Variants in TAFA5 observed in about 807,000 individuals in gnomAD.
TAFA5 encodes TAFA chemokine like family member 5.
TAFA5 carries 6 observed loss-of-function variants against 15.3 expected under a neutral mutation model. The observed-to-expected ratio is 0.39, with a 90% CI of 0.21 to 0.77. The LOEUF (loss-of-function observed/expected upper bound fraction) is 0.77, where lower values mean the gene tolerates loss of function less well. TAFA5 is among the 30% of genes least tolerant of loss of function. TAFA5 has a pLI of 0.41. For synonymous variants in TAFA5, 103 were observed against 80.7 expected (o/e 1.28, Z -1.48); for missense variants, 161 against 193.1 (o/e 0.83, Z 0.98).
At chr22:48,723,613 C>A (rs1929633552) in intron 3 of TAFA5, among the ~76,000 whole-genome samples, 1 of 152,210 alleles carries the variant, frequency 6.6e-6, no homozygotes, top group Non-Finnish European at 1.5e-5. Flanking sequence ...CAGATCCCAC[C>A]ATCCTCCCCC....
chr22:48,502,284 C>T (rs1168111188), intron 1 of TAFA5, among the ~76,000 whole-genome samples: 1 of 152,124 alleles, frequency 6.6e-6, no homozygotes, highest in Admixed American at 6.5e-5. Context: ...TGGGATTGGA[C>T]TGGGAGAGAA....
chr22:48,644,072 T>G (rs1926778860), intron 1 of TAFA5, among the ~76,000 whole-genome samples: 1 of 152,236 alleles, frequency 6.6e-6, no homozygotes, highest in African/African-American at 2.4e-5. Flanking sequence ...AAGCAGCACC[T>G]CATCCTCCCG....
intron 1 of TAFA5, among the ~76,000 whole-genome samples, chr22:48,501,379 G>A (rs1392652222): frequency 6.6e-6 from 1 of 152,226 alleles, no homozygotes; most frequent in African/African-American, 2.4e-5. Flanking sequence ...TCCCGCCCTC[G>A]CGTCTGGGCG....
intron 2 of TAFA5, among the ~76,000 whole-genome samples, chr22:48,700,917 C>T (rs1233042559): frequency 1.3e-5 from 2 of 152,204 alleles, no homozygotes; most frequent in Non-Finnish European, 1.5e-5. Flanking sequence ...CAGCTCCTCC[C>T]ATGCCATCTG....
chr22:48,517,880 G>GC (rs1370554310), intron 1 of TAFA5, among the ~76,000 whole-genome samples: 1 of 152,246 alleles, frequency 6.6e-6, no homozygotes, highest in African/African-American at 2.4e-5. Flanking sequence ...TTCTGGCAAA[G>GC]CCCCCTCTGT....
intron 1 of TAFA5, among the ~76,000 whole-genome samples, chr22:48,583,502 A>C (rs995519778): frequency 2.1e-5 from 3 of 143,830 alleles, no homozygotes; most frequent in Non-Finnish European, 3.1e-5. Flanking sequence ...CACACCACAC[A>C]GTGCAACCAA....
At chr22:48,628,965 G>A (rs1259755752) in intron 1 of TAFA5, among the ~76,000 whole-genome samples, 3 of 152,156 alleles carry the variant, frequency 2.0e-5, no homozygotes, top group East Asian at 1.9e-4. Flanking sequence ...GCCGGGCGCC[G>A]TTTCCCTTAG....
chr22:48,611,796 G>T (rs1023194795), intron 1 of TAFA5, among the ~76,000 whole-genome samples: 4 of 152,062 alleles, frequency 2.6e-5, no homozygotes, highest in African/African-American at 9.7e-5. Context: ...CCCTTCCCTG[G>T]GCAGAAGCTG....
intron 1 of TAFA5, among the ~76,000 whole-genome samples, chr22:48,606,100 G>A (rs28678464): frequency 0.17 from 25,225 of 152,164 alleles, 2,317 homozygotes; most frequent in East Asian, 0.3. Context: ...CGTGACTGCT[G>A]GTGCACCTGC....
chr22:48,657,272 T>C (rs1927283915), intron 2 of TAFA5, among the ~76,000 whole-genome samples: 1 of 152,200 alleles, frequency 6.6e-6, no homozygotes, highest in Non-Finnish European at 1.5e-5. Context: ...ATACAGTAGA[T>C]AGTTTAGATG....
chr22:48,691,681 C>T (rs1928546172), intron 2 of TAFA5, among the ~76,000 whole-genome samples: 1 of 152,264 alleles, frequency 6.6e-6, no homozygotes. Flanking sequence ...CTTTTCCCCA[C>T]CTGTGGACCC....
intron 2 of TAFA5, among the ~76,000 whole-genome samples, chr22:48,706,831 G>T (rs746026951): frequency 2.0e-5 from 3 of 152,220 alleles, no homozygotes; most frequent in African/African-American, 7.2e-5. Context: ...CGCAGCGAAG[G>T]TTATGTTAAT....
chr22:48,539,676 T>G (rs1465353670), intron 1 of TAFA5, among the ~76,000 whole-genome samples: 1 of 152,150 alleles, frequency 6.6e-6, no homozygotes, highest in Non-Finnish European at 1.5e-5. Flanking sequence ...ACAGAGCCTA[T>G]GAGCAAATGA....
At chr22:48,684,439 C>G (rs530875034) in intron 2 of TAFA5, among the ~76,000 whole-genome samples, 3 of 152,222 alleles carry the variant, frequency 2.0e-5, no homozygotes, top group East Asian at 3.9e-4. Context: ...ATAAAGCCTC[C>G]ACATCTCATG....
At chr22:48,625,346 G>A (rs377323309) in intron 1 of TAFA5, among the ~76,000 whole-genome samples, 1 of 152,148 alleles carries the variant, frequency 6.6e-6, no homozygotes, top group South Asian at 2.1e-4. Flanking sequence ...CTCCAACTCT[G>A]ATCACCACCC....
At chr22:48,688,740 C>T (rs547656645) in intron 2 of TAFA5, among the ~76,000 whole-genome samples, 1 of 152,316 alleles carries the variant, frequency 6.6e-6, no homozygotes, top group South Asian at 2.1e-4. Flanking sequence ...CCTATAATCT[C>T]AGCACTTTGG....
At chr22:48,583,243 CACACACACCACACACTAT>C (rs1569034744) in intron 1 of TAFA5, among the ~76,000 whole-genome samples, 2 of 139,600 alleles carry the variant, frequency 1.4e-5, no homozygotes, top group Non-Finnish European at 3.1e-5. Context: ...CCACACACCG[CACACACACCACACACTAT>C]ACACACACCA....
intron 3 of TAFA5, among the ~76,000 whole-genome samples, chr22:48,746,248 C>A (rs1261389624): frequency 6.6e-6 from 1 of 152,062 alleles, no homozygotes; most frequent in African/African-American, 2.4e-5. Flanking sequence ...TTCAGGCTGG[C>A]CTCCACCCCG....
intron 1 of TAFA5, among the ~76,000 whole-genome samples, chr22:48,609,015 T>G (rs1601612783): frequency 6.6e-6 from 1 of 152,146 alleles, no homozygotes. Flanking sequence ...TCAAGTGGGT[T>G]GGGTTCATTT....
Sources: allele counts gnomAD v4.1 joint callset (sites outside exome capture counted in the v4.1 genomes callset), GRCh38; gene constraint gnomAD v4.1.1; transcripts MANE v1.5; gene names NCBI Gene and HGNC (gene_info 2026-07-23, HGNC 2026-07-21).